CIDEC: variants seen among roughly 807,000 people sequenced by gnomAD.
CIDEC encodes the protein lipid transferase CIDEC.
CIDEC carries 11 observed loss-of-function variants against 21.9 expected under a neutral mutation model. The observed-to-expected ratio is 0.50, with a 90% CI of 0.32 to 0.83. The LOEUF (loss-of-function observed/expected upper bound fraction) is 0.83, where lower values mean the gene tolerates loss of function less well. CIDEC is among the 40% of genes least tolerant of loss of function. CIDEC has a pLI of 0.04. For missense variants in CIDEC, 302 were observed against 302.3 expected (o/e 1.00, Z 0.01); for synonymous variants, 127 against 124.9 (o/e 1.02, Z -0.11).
rs1451704407 is a variant in CIDEC at position 9,866,991 on chromosome 3, C to T, written c.*143G>A. 6.4e-6 allele frequency: 6 copies of T among 939,694 alleles called. No individual in the cohort carries two copies. Among genetic ancestry groups the T allele is most frequent in the Admixed American group, 1.7e-5 (1 of 57,180 alleles). The allele number at this position is 939,694 out of a possible 1,614,324, so 58.2% of individuals were successfully genotyped here. A position where few individuals can be genotyped will look rare whatever the true frequency, so the allele number is the denominator to read the frequency against. ...AACCCACCCCAGGTTTCCAGCTCCT[C>T]CTCCTCACTCAGGGTCCTGCGCGGT... On this transcript the variant is annotated 3_prime_UTR_variant, in exon 7 of 7. Transcript: ENST00000336832.
chr3:9,878,666 C>A, intron 2 of CIDEC, 155 bp from the exon 3 acceptor site: 2 of 1,340,656 alleles, frequency 1.5e-6, no homozygotes, highest in Non-Finnish European at 2.1e-6. Context: ...CTTCTCCTGT[C>A]CGGCCCCATG....
chr3:9,869,990 T>C lies in CIDEC; in HGVS notation c.446A>G (p.Lys149Arg), dbSNP rs2082324060. 1 of 1,614,080 alleles carries C rather than the reference T, an allele frequency of 6.2e-7. No individual in the cohort carries two copies. Among genetic ancestry groups the C allele is most frequent in the South Asian group, 1.1e-5 (1 of 91,090 alleles). Residue 149 changes from lysine to arginine, a missense_variant, in exon 6 of 7, where the codon AAG (lysine) becomes AGG (arginine). Coordinates refer to ENST00000336832, the MANE Select transcript of CIDEC (RefSeq NM_001321142.2). Reference sequence around the variant, plus strand: ...GCCAATGAAGTCCTGTGGGTTCAGCTTGTACAGATCAAACGTTACACGGGC... The same window carrying C: ...GCCAATGAAGTCCTGTGGGTTCAGCCTGTACAGATCAAACGTTACACGGGC... ...DVARVTFDLY[K>R]LNPQDFIGCL...
chr3:9,869,533 A>G (rs1433291636), intron 6 of CIDEC, among the ~76,000 whole-genome samples: 2 of 152,176 alleles, frequency 1.3e-5, no homozygotes, highest in East Asian at 3.9e-4. Flanking sequence ...TACAGGCATG[A>G]GCCACCGTGC....
chr3:9,875,376 C>CAAAAA (rs34070196), intron 4 of CIDEC, among the ~76,000 whole-genome samples: 1 of 116,902 alleles, frequency 8.6e-6, no homozygotes, highest in African/African-American at 3.4e-5. Context: ...GACTCTGTCT[C>CAAAAA]AAAAAAAAAA....
chr3:9,870,132 T>TC, intron 5 of CIDEC, 32 bp downstream of exon 5: 1 of 1,613,898 alleles, frequency 6.2e-7, no homozygotes, highest in Non-Finnish European at 8.5e-7. Flanking sequence ...CCCGATTTTC[T>TC]CCCCCATCAG....
chr3:9,870,312 G>A lies in CIDEC; in HGVS notation c.218C>T (p.Thr73Ile), dbSNP rs564339007. Residue 73 changes from threonine to isoleucine, a missense_variant, in exon 5 of 7, where the codon ACT (threonine) becomes ATT (isoleucine). By Grantham distance (89) the Thr-to-Ile change is moderately conservative. Transcript: ENST00000336832. ...GAAGGGCTTGTCTGCCAGCATCAGA[G>A]TGTCCCGGACCTGGGGAATAAGGTC... ...LEDLLLKVRD[T>I]LMLADKPFFL... is the part of the protein sequence containing the mutation. The A allele has an allele frequency of 3.1e-6, 5 of 1,613,712 alleles. No individual in the cohort carries two copies. The highest frequency in any genetic ancestry group is 2.2e-5 in the East Asian group (1 of 44,874).
intron 4 of CIDEC, among the ~76,000 whole-genome samples, chr3:9,874,194 C>A (rs541910931): frequency 6.6e-6 from 1 of 151,726 alleles, no homozygotes; most frequent in South Asian, 2.1e-4. Flanking sequence ...AATAGAAATA[C>A]CTGTGTCCCT....
intron 4 of CIDEC, among the ~76,000 whole-genome samples, chr3:9,875,556 G>T (rs1451646126): frequency 6.6e-6 from 1 of 152,152 alleles, no homozygotes; most frequent in Non-Finnish European, 1.5e-5. Context: ...ACTTGATCCT[G>T]ACCTGGATCC....
chr3:9,869,740 C>G, intron 6 of CIDEC, 142 bp downstream of exon 6: 1 of 775,956 alleles, frequency 1.3e-6, no homozygotes, highest in East Asian at 2.7e-5. Context: ...GCCCATCAGG[C>G]TCCGTGTTGT....
At chr3:9,870,497 AATATAATGTAAGTCAC>A in intron 4 of CIDEC, 175 bp from the exon 5 acceptor site, 1 of 1,511,424 alleles carries the variant, frequency 6.6e-7, no homozygotes, top group Non-Finnish European at 8.9e-7. Flanking sequence ...TGTCCAATAA[AATATAATGTAAGTCAC>A]ATATAATTTT....
chr3:9,867,333 G>A (rs537746477), intron 6 of CIDEC, 37 bp from the exon 7 acceptor site: 36 of 1,610,952 alleles, frequency 2.2e-5, no homozygotes, highest in Admixed American at 8.4e-5. Flanking sequence ...TCAAAACCAC[G>A]AAGTAGGTCG....
intron 4 of CIDEC, among the ~76,000 whole-genome samples, chr3:9,875,887 C>A (rs1406049559): frequency 6.6e-6 from 1 of 152,128 alleles, no homozygotes; most frequent in African/African-American, 2.4e-5. Flanking sequence ...GGTGCCCAGA[C>A]CTCAGGGCAA....
Position 9,877,161 on chromosome 3 carries a change from T to G in CIDEC, c.112A>C (p.Lys38Gln), listed in dbSNP as rs1483074682. Reference sequence around the variant, plus strand: ...CGGCAGGGCCGGGCCCTGGGGGCCTTGGGGCTGGGCTCCGACAGCAGCTGC... The same window carrying G: ...CGGCAGGGCCGGGCCCTGGGGGCCTGGGGGCTGGGCTCCGACAGCAGCTGC... The part of the protein sequence containing the change: ...TQQLLSEPSP[K>Q]APRARPCRVS... The change falls in exon 4 of 7, where the codon AAG (lysine) becomes CAG (glutamine). Residue 38 changes from lysine (K) to glutamine (Q), a missense_variant. By Grantham distance (53) the Lys-to-Gln change is moderately conservative. Transcript: ENST00000336832. 1.3e-6 allele frequency: 2 copies of G among 1,551,540 alleles called. No homozygotes were observed. Among genetic ancestry groups the G allele is most frequent in the Non-Finnish European group, 1.7e-6 (2 of 1,147,192 alleles).
At chr3:9,877,255 T>A in intron 3 of CIDEC, 36 bp from the exon 4 acceptor site, 1 of 1,549,084 alleles carries the variant, frequency 6.5e-7, no homozygotes, top group Non-Finnish European at 8.7e-7. Flanking sequence ...AGCCACCCAC[T>A]TTGCCCAACC....
chr3:9,871,486 C>A (rs1249787202), intron 4 of CIDEC, among the ~76,000 whole-genome samples: 1 of 151,500 alleles, frequency 6.6e-6, no homozygotes, highest in Non-Finnish European at 1.5e-5. Flanking sequence ...CACAATGGGC[C>A]TATGTTTAAC....
rs563755023 is a variant in CIDEC, at chr3:9,866,874, G to C, written c.*260C>G. The C allele has an allele frequency of 1.1e-4, 68 of 607,868 alleles. 1 individual carries two copies. In the South Asian group the frequency reaches 1.3e-3, roughly 11 times the overall value. 37.7% of individuals were successfully genotyped at this position (607,868 alleles called of 1,614,324 possible). A position where few individuals can be genotyped will look rare whatever the true frequency, so the allele number is the denominator to read the frequency against. ...AAGGGGCAGACTTCATGCCAATGGAGGGACAGACTTCAGGACCAGTCTGGA... is the reference window on the plus strand; with the variant it reads ...AAGGGGCAGACTTCATGCCAATGGACGGACAGACTTCAGGACCAGTCTGGA... On this transcript the variant is annotated 3_prime_UTR_variant, in exon 7 of 7. Coordinates refer to ENST00000336832, the MANE Select transcript of CIDEC (RefSeq NM_001321142.2).
intron 3 of CIDEC, among the ~76,000 whole-genome samples, chr3:9,877,449 C>T (rs1425726994): frequency 6.6e-6 from 1 of 152,232 alleles, no homozygotes; most frequent in Non-Finnish European, 1.5e-5. Context: ...CACTTGAAGT[C>T]AGGAGTTCAA....
At chr3:9,872,911 C>T (rs1322924981) in intron 4 of CIDEC, among the ~76,000 whole-genome samples, 1 of 152,130 alleles carries the variant, frequency 6.6e-6, no homozygotes, top group East Asian at 1.9e-4. Context: ...ATTGCTTGAG[C>T]CCGCAAGGCA....
chr3:9,876,771 A>AG (rs1483906588), intron 4 of CIDEC, among the ~76,000 whole-genome samples: 6 of 93,656 alleles, frequency 6.4e-5, no homozygotes, highest in African/African-American at 2.4e-4. Flanking sequence ...AAAAAAAAAA[A>AG]AAAAAAAAAA....
Sources: gnomAD v4.1 joint callset for allele counts (sites outside exome capture counted in the v4.1 genomes callset) on GRCh38, gnomAD v4.1.1 for gene constraint, MANE v1.5 for transcripts, NCBI Gene and HGNC (gene_info 2026-07-23, HGNC 2026-07-21) for gene names.